Variants in STOX2 observed in about 807,000 individuals in gnomAD.
The protein encoded by STOX2 is storkhead box 2.
Under a neutral mutation model 60.9 loss-of-function variants are expected in STOX2, and 28 were observed. That is an observed-to-expected ratio of 0.46 (90% CI 0.34 to 0.63). The LOEUF (loss-of-function observed/expected upper bound fraction) is 0.63, where lower values mean the gene tolerates loss of function less well. Ranked by LOEUF, STOX2 falls within the 30% of genes least tolerant of loss-of-function variation. The probability of loss-of-function intolerance (pLI) is 0.01; values close to 1 mark genes in which losing one functional copy is unlikely to be tolerated. For synonymous variants in STOX2, 472 were observed against 463.9 expected, an observed-to-expected ratio of 1.02 and a Z score of -0.22; for missense variants, 1,024 against 1,187.7, an observed-to-expected ratio of 0.86 and a Z score of 2.03.
In STOX2 at chr4:184,010,709, A is replaced by G. The variant is rs765740675; in HGVS notation, c.1871A>G (p.His624Arg). The part of the protein sequence containing the change: ...PSPLGKNKED[H>R]DTLTLAEGVK... ...CCTCTGGGAAAGAATAAGGAGGACC[A>G]TGACACTCTGACTTTGGCAGAAGGG... Residue 624 changes from histidine (H) to arginine (R), a missense_variant, in exon 3 of 4, where the codon CAT becomes CGT. By Grantham distance (29) the His-to-Arg change is conservative. Transcript: ENST00000308497. This position sits in a 1 kb window ranked among gnomAD's most constrained non-coding sequence, Gnocchi z 4.5. The G allele has an allele frequency of 8.7e-6, 14 of 1,609,068 alleles. No homozygotes were observed. The highest frequency in any genetic ancestry group is 4.5e-5 in the East Asian group (2 of 44,860).
At chr4:183,966,129 G>A (rs1743559395) in intron 1 of STOX2, among the ~76,000 whole-genome samples, 1 of 152,052 alleles carries the variant, frequency 6.6e-6, no homozygotes, top group African/African-American at 2.4e-5. Flanking sequence ...GAGAGTTTTG[G>A]GACCAGGGAG....
At chr4:184,014,107 A>G (rs1734267597) in intron 3 of STOX2, 2 of 54,814 alleles carry the variant, frequency 3.6e-5, no homozygotes, top group South Asian at 1.4e-3. Flanking sequence ...GCTAAGCCCC[A>G]ACCAAAAAAA....
rs1735723217 is a variant in STOX2, at chr4:183,996,519, A to C, written c.167-4806A>C. On this transcript the variant is annotated intron_variant, in intron 1 of 3. Transcript: ENST00000308497. ...CATTCTCCTTTTTTCTTCTTTGAAT[A>C]AATAAATGTGGTCCGGTAGTTGGAA... is the stretch of plus-strand genomic sequence containing the variant. 2.0e-5 allele frequency among the ~76,000 whole-genome samples: 3 copies of C among 152,346 alleles called. No individual in the cohort carries two copies. The South Asian group carries it at 6.2e-4, about 32-fold the overall frequency.
intron 1 of STOX2, among the ~76,000 whole-genome samples, chr4:183,954,249 C>A (rs1444532813): frequency 6.6e-6 from 1 of 152,016 alleles, no homozygotes; most frequent in African/African-American, 2.4e-5. Flanking sequence ...TTCTGCCCTA[C>A]CAAGCCTGTG....
chr4:183,868,161 T>C (rs1313399253), intron 1 of STOX2, among the ~76,000 whole-genome samples: 1 of 152,078 alleles, frequency 6.6e-6, no homozygotes, highest in Non-Finnish European at 1.5e-5. Flanking sequence ...GGAAAACATT[T>C]AGATGGCAGT....
intron 1 of STOX2, among the ~76,000 whole-genome samples, chr4:183,830,333 C>G (rs1382881583): frequency 6.6e-6 from 1 of 152,204 alleles, no homozygotes; most frequent in Non-Finnish European, 1.5e-5. Flanking sequence ...GGTTTTTACA[C>G]TCTCAGTCGA....
chr4:184,009,130 C>T lies in STOX2; in HGVS notation c.320-28C>T. 1 of 1,263,962 alleles carries T rather than the reference C, an allele frequency of 7.9e-7. No homozygotes were observed. Among genetic ancestry groups the T allele is most frequent in the South Asian group, 1.5e-5 (1 of 65,394 alleles). The allele number at this position is 1,263,962 out of a possible 1,614,324, so 78.3% of individuals were successfully genotyped here. A position where few individuals can be genotyped will look rare whatever the true frequency, so the allele number is the denominator to read the frequency against. On this transcript the variant is annotated intron_variant, in intron 2 of 3. Transcript: ENST00000308497. The surrounding 1 kb of genome is among the most constrained non-coding windows in gnomAD (Gnocchi z 4.0). ...TCCACATGTTCTGTCTTCATTCTCA[C>T]AAGTGGTTTTTTTTTTTTTTTTTTC... is the stretch of plus-strand genomic sequence containing the variant.
At chr4:183,922,616 T>A (rs1356026096) in intron 1 of STOX2, among the ~76,000 whole-genome samples, 1 of 152,142 alleles carries the variant, frequency 6.6e-6, no homozygotes, top group East Asian at 1.9e-4. Context: ...AGTGCTGGGA[T>A]TACAGATGTG....
intron 1 of STOX2, among the ~76,000 whole-genome samples, chr4:183,979,355 C>T (rs1732567587): frequency 6.6e-6 from 1 of 152,154 alleles, no homozygotes; most frequent in Non-Finnish European, 1.5e-5. Context: ...CCCTATGCTC[C>T]AGTCACCTCC....
chr4:183,915,388 C>T (rs571344139), intron 1 of STOX2, among the ~76,000 whole-genome samples: 5 of 152,010 alleles, frequency 3.3e-5, no homozygotes, highest in South Asian at 2.1e-4. Context: ...AAACGAAGGC[C>T]GCCAGAGTGA....
chr4:183,860,788 C>T (rs928241932), intron 1 of STOX2, among the ~76,000 whole-genome samples: 6 of 152,106 alleles, frequency 3.9e-5, no homozygotes, highest in Non-Finnish European at 8.8e-5. Context: ...TTATGAAAAA[C>T]CCCCTGTATG....
At chr4:183,860,670 A>G (rs1030283101) in intron 1 of STOX2, among the ~76,000 whole-genome samples, 2 of 152,210 alleles carry the variant, frequency 1.3e-5, no homozygotes, top group African/African-American at 4.8e-5. Flanking sequence ...GGGAGATGCT[A>G]TTCAGAGTAA....
At chr4:183,891,363 T>C (rs1407548506) in intron 1 of STOX2, among the ~76,000 whole-genome samples, 73 of 3,218 alleles carry the variant, frequency 0.023, no homozygotes, top group Non-Finnish European at 0.045. Context: ...GGAATTTATA[T>C]ATATATATAT....
upstream of STOX2, among the ~76,000 whole-genome samples, chr4:183,902,933 T>C (rs917259869): frequency 3.3e-5 from 5 of 152,218 alleles, no homozygotes; most frequent in African/African-American, 1.2e-4. Flanking sequence ...TGGAGGTGGC[T>C]GAGTGGAGCT....
intron 1 of STOX2, chr4:183,798,058 G>A: frequency 1.6e-6 from 2 of 1,228,290 alleles, no homozygotes; most frequent in Non-Finnish European, 2.0e-6. Context: ...CTGCCTGGGT[G>A]AGTGCGACCG....
At chr4:183,910,299 A>G (rs1741741000) in intron 1 of STOX2, among the ~76,000 whole-genome samples, 1 of 152,232 alleles carries the variant, frequency 6.6e-6, no homozygotes, top group Non-Finnish European at 1.5e-5. Flanking sequence ...TAGAGATAAA[A>G]GCAAAACTCC....
intron 1 of STOX2, among the ~76,000 whole-genome samples, chr4:183,863,120 C>T (rs1246593735): frequency 1.3e-5 from 2 of 152,288 alleles, no homozygotes; most frequent in African/African-American, 2.4e-5. Flanking sequence ...CTGAGAACAT[C>T]GGTGGCGTAC....
intron 1 of STOX2, among the ~76,000 whole-genome samples, chr4:183,945,429 T>C (rs932805905): frequency 5.3e-5 from 8 of 152,330 alleles, no homozygotes; most frequent in African/African-American, 1.9e-4. Context: ...TAGAATGATT[T>C]AATGAGCTTT....
intron 1 of STOX2, among the ~76,000 whole-genome samples, chr4:183,970,796 G>A (rs73008340): frequency 0.056 from 8,479 of 152,318 alleles, 302 homozygotes; most frequent in African/African-American, 0.1. Context: ...ATCTGCTCAT[G>A]CTGCATATAT....
Sources: allele counts gnomAD v4.1 joint callset (sites outside exome capture counted in the v4.1 genomes callset), GRCh38; gene constraint gnomAD v4.1.1; non-coding constraint Gnocchi (gnomAD v3.1); transcripts MANE v1.5; gene names NCBI Gene and HGNC (gene_info 2026-07-23, HGNC 2026-07-21).